Variants in PPP4R4 observed in about 807,000 individuals in gnomAD.
PPP4R4 encodes the protein protein phosphatase 4 regulatory subunit 4, also known as serine/threonine-protein phosphatase 4 regulatory subunit 4.
In PPP4R4, 70 loss-of-function variants were observed where a neutral mutation model predicts 121.8. That is an observed-to-expected ratio of 0.57 (90% CI 0.47 to 0.70). The LOEUF (loss-of-function observed/expected upper bound fraction) is 0.70, where lower values mean the gene tolerates loss of function less well. PPP4R4 is among the 30% of genes least tolerant of loss of function. PPP4R4 has a pLI of 0.00. For missense variants in PPP4R4, 875 were observed against 1,033.6 expected (o/e 0.85, Z 2.10); for synonymous variants, 348 against 355.7 (o/e 0.98, Z 0.24).
At chr14:94,275,557 T>G in intron 24 of PPP4R4, 36 bp downstream of exon 24, 1 of 1,606,932 alleles carries the variant, frequency 6.2e-7, no homozygotes, top group Non-Finnish European at 8.5e-7. Context: ...GAGTGTATTA[T>G]CCTCCTCTTT....
chr14:94,189,500 C>T (rs1889478796), intron 2 of PPP4R4, among the ~76,000 whole-genome samples: 1 of 152,186 alleles, frequency 6.6e-6, no homozygotes, highest in Non-Finnish European at 1.5e-5. Flanking sequence ...AATGAACAGA[C>T]AGGAGCCACT....
rs370983836 is a variant in PPP4R4 at position 94,237,615 on chromosome 14, G to A, written c.782G>A (p.Arg261Lys). ...VVLPELIELS[R>K]DEGSSVRLAA... The stretch of plus-strand genomic sequence containing the variant: ...CTCCCTGAATTAATAGAACTTTCTA[G>A]GGATGAAGGCAGCAGTGTACGACTT... Residue 261 changes from arginine to lysine, a missense_variant, in exon 8 of 25, where the codon AGG becomes AAG. By Grantham distance (26) the Arg-to-Lys change is conservative. Coordinates refer to ENST00000304338, the MANE Select transcript of PPP4R4 (RefSeq NM_058237.2). 31 of 1,612,592 alleles carry A rather than the reference G, an allele frequency of 1.9e-5. No homozygotes were observed. The highest frequency in any genetic ancestry group is 2.5e-5 in the Non-Finnish European group (29 of 1,178,706).
chr14:94,246,347 T>G lies in PPP4R4; in HGVS notation c.1429-10T>G. The G allele has an allele frequency of 6.3e-7, 1 of 1,589,282 alleles. No individual in the cohort carries two copies. Among genetic ancestry groups the G allele is most frequent in the Non-Finnish European group, 8.5e-7 (1 of 1,171,992 alleles). On this transcript the variant is annotated splice_polypyrimidine_tract_variant and intron_variant, in intron 13 of 24. Coordinates refer to ENST00000304338, the MANE Select transcript of PPP4R4 (RefSeq NM_058237.2). ...TTTATAATTGATTTTTTGATGCGTTTCATTTTCAGTTATCTTCTCTGCCTG... is the reference window on the plus strand; with the variant it reads ...TTTATAATTGATTTTTTGATGCGTTGCATTTTCAGTTATCTTCTCTGCCTG...
At chr14:94,237,287 A>G (rs1335399668) in intron 7 of PPP4R4, among the ~76,000 whole-genome samples, 1 of 152,162 alleles carries the variant, frequency 6.6e-6, no homozygotes, top group Non-Finnish European at 1.5e-5. Context: ...TATAATTTAT[A>G]AAGTTTGATA....
At chr14:94,244,177 A>G (rs1288478825) in intron 11 of PPP4R4, among the ~76,000 whole-genome samples, 1 of 152,184 alleles carries the variant, frequency 6.6e-6, no homozygotes, top group African/African-American at 2.4e-5. Context: ...GGGGAAAAGT[A>G]AAGTTGGTTT....
intron 2 of PPP4R4, among the ~76,000 whole-genome samples, chr14:94,207,935 GAGTATT>G (rs1416736926): frequency 2.0e-5 from 3 of 151,812 alleles, no homozygotes; most frequent in Non-Finnish European, 4.4e-5. Context: ...TGATCTTTAA[GAGTATT>G]GAGTGTATCT....
chr14:94,231,310 C>A lies in PPP4R4; in HGVS notation c.511C>A (p.His171Asn), dbSNP rs1481645981. 1.9e-6 allele frequency: 3 copies of A among 1,607,246 alleles called. No homozygotes were observed. The highest frequency in any genetic ancestry group is 2.6e-6 in the Non-Finnish European group (3 of 1,174,336). ...IEVLPKETLR[H>N]EILNPLVSKA... Reference sequence around the variant, plus strand: ...AGTATTGCCAAAAGAAACCCTACGGCATGAGGTAATACTTTCATGGGGGCA... The same window carrying A: ...AGTATTGCCAAAAGAAACCCTACGGAATGAGGTAATACTTTCATGGGGGCA... The change falls in exon 5 of 25, where the codon CAT (histidine) becomes AAT (asparagine). Residue 171 changes from histidine to asparagine, a missense_variant. Coordinates refer to ENST00000304338, the MANE Select transcript of PPP4R4 (RefSeq NM_058237.2).
intron 23 of PPP4R4, among the ~76,000 whole-genome samples, chr14:94,272,040 A>G (rs1489423564): frequency 6.6e-6 from 1 of 152,248 alleles, no homozygotes; most frequent in Non-Finnish European, 1.5e-5. Context: ...GAGATGTCTC[A>G]TGTTCATTGC....
At chr14:94,204,132 C>T (rs927052353) in intron 2 of PPP4R4, among the ~76,000 whole-genome samples, 2 of 151,980 alleles carry the variant, frequency 1.3e-5, no homozygotes, top group South Asian at 2.1e-4. Context: ...GCTATTTGCC[C>T]ATGTTTTTCC....
At chr14:94,274,739 G>C (rs1038968735) in intron 23 of PPP4R4, among the ~76,000 whole-genome samples, 1 of 152,272 alleles carries the variant, frequency 6.6e-6, no homozygotes, top group Non-Finnish European at 1.5e-5. Context: ...AGTTTCTTTT[G>C]AAGTTAAATA....
At chr14:94,262,342 A>G (rs1263626626) in intron 19 of PPP4R4, among the ~76,000 whole-genome samples, 1 of 152,018 alleles carries the variant, frequency 6.6e-6, no homozygotes, top group Non-Finnish European at 1.5e-5. Flanking sequence ...GAAGTTATTT[A>G]TAATATTCTA....
At chr14:94,191,648 T>C (rs930385701) in intron 2 of PPP4R4, among the ~76,000 whole-genome samples, 2 of 152,200 alleles carry the variant, frequency 1.3e-5, no homozygotes, top group African/African-American at 4.8e-5. Flanking sequence ...GGCAGTGTTC[T>C]CTATATCATT....
At position 94,235,388 on chromosome 14, in the gene PPP4R4, C is replaced by CTT. The variant is rs34881107; in HGVS notation, c.731+747_731+748dup. Among the ~76,000 whole-genome samples, 89 of 50,810 alleles carry CTT rather than the reference C, an allele frequency of 1.8e-3. 4 individuals carry two copies. The highest frequency in any genetic ancestry group is 4.7e-3 in the African/African-American group (51 of 10,874). 33.3% of individuals were successfully genotyped at this position (50,810 alleles called of 152,430 possible). On this transcript the variant is annotated intron_variant, in intron 7 of 24. Transcript: ENST00000304338. ...TGTTTGTTTTGTTGCTCTCCTTGTT[C>CTT]TTTTTTTTTTTTTTTTTTTTTTTTT...
chr14:94,270,072 A>G (rs1312669552), intron 23 of PPP4R4, among the ~76,000 whole-genome samples: 4 of 152,220 alleles, frequency 2.6e-5, no homozygotes, highest in South Asian at 2.1e-4. Flanking sequence ...TTATTCTGTC[A>G]TCTCAATTTT....
intron 21 of PPP4R4, 131 bp downstream of exon 21, chr14:94,265,604 A>G: frequency 3.4e-6 from 3 of 875,994 alleles, no homozygotes; most frequent in South Asian, 1.7e-5. Context: ...TTCACCTTCT[A>G]TCATTAGGTG....
chr14:94,233,786 C>A, intron 6 of PPP4R4, 27 bp downstream of exon 6: 2 of 1,414,044 alleles, frequency 1.4e-6, no homozygotes, highest in South Asian at 1.2e-5. Flanking sequence ...AATTTTCGGT[C>A]TACTTTATTA....
intron 2 of PPP4R4, among the ~76,000 whole-genome samples, chr14:94,193,738 T>G (rs950259946): frequency 3.9e-5 from 6 of 152,062 alleles, no homozygotes; most frequent in Non-Finnish European, 8.8e-5. Context: ...AAAATAAGAG[T>G]TAATGGCCAA....
chr14:94,258,711 A>G, intron 17 of PPP4R4, 72 bp from the exon 18 acceptor site: 1 of 1,166,214 alleles, frequency 8.6e-7, no homozygotes, highest in Non-Finnish European at 1.3e-6. Context: ...CATTTGCAAA[A>G]TAAGTTGCTG....
intron 2 of PPP4R4, among the ~76,000 whole-genome samples, chr14:94,205,785 G>T (rs73342872): frequency 0.031 from 4,692 of 151,736 alleles, 195 homozygotes; most frequent in African/African-American, 0.09. Context: ...TCCAAGAGTT[G>T]GGAGATTTTT....
Sources: allele counts gnomAD v4.1 joint callset (sites outside exome capture counted in the v4.1 genomes callset), GRCh38; gene constraint gnomAD v4.1.1; transcripts MANE v1.5; gene names NCBI Gene and HGNC (gene_info 2026-07-23, HGNC 2026-07-21).